CCDC60: variants seen among roughly 807,000 people sequenced by gnomAD.
CCDC60 encodes the protein coiled-coil domain-containing protein 60.
A neutral mutation model predicts 63.5 loss-of-function variants in CCDC60; 54 were observed. That is an observed-to-expected ratio of 0.85 (90% CI 0.68 to 1.07). CCDC60 has a LOEUF of 1.07. Ranked by LOEUF, CCDC60 falls within the 50% of genes least tolerant of loss-of-function variation. The pLI is 0.00. For synonymous variants in CCDC60, 206 were observed against 238.8 expected, an observed-to-expected ratio of 0.86 and a Z score of 1.27; for missense variants, 651 against 684.3, an observed-to-expected ratio of 0.95 and a Z score of 0.54.
intron 2 of CCDC60, among the ~76,000 whole-genome samples, chr12:119,430,883 G>A (rs1031411033): frequency 1.3e-5 from 2 of 152,142 alleles, no homozygotes; most frequent in Admixed American, 6.5e-5. Flanking sequence ...ATACGTAAGA[G>A]ACAATACATA....
chr12:119,507,564 ATATAT>A (rs1952055605), intron 7 of CCDC60, among the ~76,000 whole-genome samples: 1 of 65,784 alleles, frequency 1.5e-5, no homozygotes, highest in African/African-American at 9.3e-5. Flanking sequence ...ATATATATAT[ATATAT>A]GTATATATAC....
chr12:119,453,948 AAT>A (rs1476852245), intron 2 of CCDC60, among the ~76,000 whole-genome samples: 1 of 152,172 alleles, frequency 6.6e-6, no homozygotes, highest in Non-Finnish European at 1.5e-5. Context: ...AAAAAATGAT[AAT>A]GTTACCATGT....
intron 4 of CCDC60, among the ~76,000 whole-genome samples, chr12:119,480,664 A>T (rs1341668284): frequency 6.7e-6 from 1 of 148,234 alleles, no homozygotes; most frequent in East Asian, 2.0e-4. Context: ...CACCAGCATC[A>T]TCATCATCAC....
Position 119,479,905 on chromosome 12 carries a change from C to G in CCDC60, c.449+704C>G, listed in dbSNP as rs552280823. Among the ~76,000 whole-genome samples, 78 of 152,006 alleles carry G rather than the reference C, an allele frequency of 5.1e-4. 2 individuals are homozygous for G. The South Asian group carries it at 0.016, about 31-fold the overall frequency. On this transcript the variant is annotated intron_variant, in intron 4 of 13. Transcript: ENST00000327554. ...TAGCCGCATCCATGGCCTCTACCCACTAGATACCAGTGTTGACAACCAAAA... is the reference window on the plus strand; with the variant it reads ...TAGCCGCATCCATGGCCTCTACCCAGTAGATACCAGTGTTGACAACCAAAA...
chr12:119,362,156 G>A (rs944403500), intron 1 of CCDC60, among the ~76,000 whole-genome samples: 6 of 152,172 alleles, frequency 3.9e-5, no homozygotes, highest in Middle Eastern at 6.8e-3. Flanking sequence ...CTACTTGTAT[G>A]TATTTATAAT....
At chr12:119,360,143 G>A (rs2136163602) in intron 1 of CCDC60, among the ~76,000 whole-genome samples, 1 of 151,360 alleles carries the variant, frequency 6.6e-6, no homozygotes, top group African/African-American at 2.4e-5. Context: ...CCCGGACGGG[G>A]CGGCTGGCCG....
At chr12:119,455,228 G>A (rs1170025139) in intron 2 of CCDC60, among the ~76,000 whole-genome samples, 2 of 152,208 alleles carry the variant, frequency 1.3e-5, no homozygotes, top group Admixed American at 1.3e-4. Flanking sequence ...TACTTGGTAG[G>A]CAACTGGCAC....
intron 13 of CCDC60, 59 bp downstream of exon 13, chr12:119,531,122 C>A: frequency 6.9e-7 from 1 of 1,453,128 alleles, no homozygotes; most frequent in South Asian, 1.2e-5. Flanking sequence ...AATCACCTCT[C>A]AACATTCAGG....
At chr12:119,506,540 G>C (rs1314558909) in intron 7 of CCDC60, among the ~76,000 whole-genome samples, 1 of 151,908 alleles carries the variant, frequency 6.6e-6, no homozygotes, top group Non-Finnish European at 1.5e-5. Context: ...TTGAGCCTAG[G>C]ACGTAGGGGC....
chr12:119,484,627 C>T (rs933038697), intron 4 of CCDC60, among the ~76,000 whole-genome samples: 4 of 152,012 alleles, frequency 2.6e-5, no homozygotes, highest in Admixed American at 6.6e-5. Flanking sequence ...GTAGGAGGAT[C>T]GCTTGTGCCC....
At chr12:119,524,475 A>G (rs893316404) in intron 11 of CCDC60, 11 of 982,260 alleles carry the variant, frequency 1.1e-5, no homozygotes, top group African/African-American at 1.8e-5. Flanking sequence ...TTGCACTCTC[A>G]TTTTCACAGC....
chr12:119,491,868 A>G (rs1190275501), intron 5 of CCDC60, among the ~76,000 whole-genome samples: 1 of 152,182 alleles, frequency 6.6e-6, no homozygotes, highest in Non-Finnish European at 1.5e-5. Flanking sequence ...TGAGAAAAGA[A>G]CATCATGTGG....
At position 119,540,608 on chromosome 12, in the gene CCDC60, TCA is replaced by T; in HGVS notation, c.1552-3_1552-2del. 1 of 1,607,876 alleles carries T rather than the reference TCA, an allele frequency of 6.2e-7. No homozygotes were observed. The highest frequency in any genetic ancestry group is 8.5e-7 in the Non-Finnish European group (1 of 1,174,794). On this transcript the variant is annotated splice_region_variant and splice_polypyrimidine_tract_variant and intron_variant, in intron 13 of 13. Coordinates refer to ENST00000327554, the MANE Select transcript of CCDC60 (RefSeq NM_178499.5). ...TTCTGAGATTGCCACTATGTCTGCC[TCA>T]CAGTTTGTGCGAGAACACATCATCC...
intron 1 of CCDC60, among the ~76,000 whole-genome samples, chr12:119,357,890 C>T (rs748727700): frequency 1.3e-5 from 2 of 152,202 alleles, no homozygotes; most frequent in Non-Finnish European, 2.9e-5. Flanking sequence ...GCAAGCTGTG[C>T]AGGAAGCATT....
At chr12:119,444,376 C>G (rs1255562842) in intron 2 of CCDC60, among the ~76,000 whole-genome samples, 2 of 152,192 alleles carry the variant, frequency 1.3e-5, no homozygotes, top group Admixed American at 1.3e-4. Flanking sequence ...TAATTCCTTT[C>G]CTTTCTCATA....
In CCDC60 at chr12:119,540,927, C is replaced by G; in HGVS notation, c.*212C>G. 1 of 495,166 alleles carries G rather than the reference C, an allele frequency of 2.0e-6. No individual in the cohort carries two copies. The highest frequency in any genetic ancestry group is 3.6e-6 in the Non-Finnish European group (1 of 279,494). 30.7% of individuals were successfully genotyped at this position (495,166 alleles called of 1,614,324 possible). On this transcript the variant is annotated 3_prime_UTR_variant, in exon 14 of 14. Coordinates refer to ENST00000327554, the MANE Select transcript of CCDC60 (RefSeq NM_178499.5). The stretch of plus-strand genomic sequence containing the variant: ...CTCCCCTCAATTCCACACCCCAGAC[C>G]CAACCTACCAGTCTCTGTTCTTCAA...
intron 1 of CCDC60, among the ~76,000 whole-genome samples, chr12:119,424,031 A>C (rs1387823314): frequency 6.6e-6 from 1 of 152,204 alleles, no homozygotes; most frequent in African/African-American, 2.4e-5. Context: ...AATTAGGAAA[A>C]AAGATAACCA....
chr12:119,457,798 A>T (rs1425649999), intron 2 of CCDC60, among the ~76,000 whole-genome samples: 1 of 152,240 alleles, frequency 6.6e-6, no homozygotes, highest in Non-Finnish European at 1.5e-5. Flanking sequence ...ACTGAAGTTC[A>T]ATTACTGTAA....
Position 119,472,124 on chromosome 12 carries a change from G to A in CCDC60, c.301G>A (p.Glu101Lys), listed in dbSNP as rs778425978. The A allele has an allele frequency of 4.0e-5, 64 of 1,613,996 alleles. No individual in the cohort carries two copies. The highest frequency in any genetic ancestry group is 1.0e-4 in the Admixed American group (6 of 59,984). The change falls in exon 3 of 14, where the codon GAA becomes AAA. Residue 101 changes from glutamate (E) to lysine (K), a missense_variant. Coordinates refer to ENST00000327554, the MANE Select transcript of CCDC60 (RefSeq NM_178499.5). ...EEERNKFQPA[E>K]KISEIHYGDT... is the part of the protein sequence containing the mutation. ...GGAAAGAAATAAATTCCAGCCAGCC[G>A]AAAAGATCTCAGAAATCCACTATGG...
Sources: allele counts gnomAD v4.1 joint callset (sites outside exome capture counted in the v4.1 genomes callset), GRCh38; gene constraint gnomAD v4.1.1; transcripts MANE v1.5; gene names NCBI Gene and HGNC (gene_info 2026-07-23, HGNC 2026-07-21).